The following PDZRN3 variants were observed in gnomAD, a reference collection of about 807,000 sequenced individuals.
The protein encoded by PDZRN3 is PDZ domain containing ring finger 3, also known as E3 ubiquitin-protein ligase PDZRN3.
In PDZRN3, 38 loss-of-function variants were observed where a neutral mutation model predicts 85.7. The observed-to-expected ratio is 0.44, with a 90% CI of 0.34 to 0.58. The LOEUF is 0.58. Among genes scored for constraint, PDZRN3 ranks in the 20% least tolerant of loss-of-function variants. PDZRN3 has a pLI of 0.01. For missense variants in PDZRN3, 1,629 were observed against 1,506.4 expected (o/e 1.08, Z -1.35); for synonymous variants, 759 against 638.0 (o/e 1.19, Z -2.86).
At chr3:73,449,647 G>C (rs1323664744) in intron 3 of PDZRN3, among the ~76,000 whole-genome samples, 1 of 152,024 alleles carries the variant, frequency 6.6e-6, no homozygotes, top group African/African-American at 2.4e-5. Context: ...CATAGCATTC[G>C]GTAATATAAT....
chr3:73,570,544 G>A (rs1227252678), intron 3 of PDZRN3, among the ~76,000 whole-genome samples: 2 of 152,106 alleles, frequency 1.3e-5, no homozygotes, highest in Non-Finnish European at 2.9e-5. Context: ...ACTTACTGAT[G>A]GGATTATGCA....
intron 3 of PDZRN3, among the ~76,000 whole-genome samples, chr3:73,560,378 G>C (rs1701791665): frequency 6.6e-6 from 1 of 152,106 alleles, no homozygotes; most frequent in Admixed American, 6.6e-5. Flanking sequence ...TCAACCTCGA[G>C]GCTGAGTGCT....
chr3:73,443,614 T>C (rs1702691063), intron 3 of PDZRN3, among the ~76,000 whole-genome samples: 1 of 151,564 alleles, frequency 6.6e-6, no homozygotes, highest in Admixed American at 6.6e-5. Flanking sequence ...GCCTCCTGAG[T>C]AGCTGGGACT....
chr3:73,591,662 T>G (rs1275796287), intron 3 of PDZRN3, among the ~76,000 whole-genome samples: 1 of 152,104 alleles, frequency 6.6e-6, no homozygotes, highest in African/African-American at 2.4e-5. Flanking sequence ...GGGGCCAAAA[T>G]TGCAGTATTC....
intron 2 of PDZRN3, among the ~76,000 whole-genome samples, chr3:73,606,586 GT>G (rs1278948580): frequency 6.6e-6 from 1 of 152,290 alleles, no homozygotes; most frequent in East Asian, 1.9e-4. Flanking sequence ...CGGTTCTATA[GT>G]TTTTTAAGAA....
rs952707663 is a variant in PDZRN3 at position 73,509,568 on chromosome 3, C to T, written c.918+92786G>A. On this transcript the variant is annotated intron_variant, in intron 3 of 9. Coordinates refer to ENST00000263666, the MANE Select transcript of PDZRN3 (RefSeq NM_015009.3). ...GGGCGTTCCCTCAGTACTCAACTAA[C>T]GTACTGACAAACTAGGCTTTCAGTC... is the stretch of plus-strand genomic sequence containing the variant. Among the ~76,000 whole-genome samples the T allele has an allele frequency of 2.6e-5, 4 of 152,170 alleles. No homozygotes were observed. The South Asian group carries it at 6.2e-4, about 24-fold the overall frequency.
intron 3 of PDZRN3, among the ~76,000 whole-genome samples, chr3:73,554,999 T>C (rs1480122977): frequency 6.6e-6 from 1 of 152,252 alleles, no homozygotes. Context: ...CCAACAGGCC[T>C]GACTGGCTGT....
At position 73,623,075 on chromosome 3, in the gene PDZRN3, G is replaced by A. The variant is rs1380899964; in HGVS notation, c.723+1028C>T. On this transcript the variant is annotated intron_variant, in intron 1 of 9. Transcript: ENST00000263666. ...TGATTAAAAAGGAAATGACTGGGAA[G>A]AATGCAGCACCCAGCCTGGAGCAAA... Among the ~76,000 whole-genome samples, 6 of 152,206 alleles carry A rather than the reference G, an allele frequency of 3.9e-5. No individual in the cohort carries two copies. The East Asian group carries it at 5.8e-4, about 15-fold the overall frequency.
At chr3:73,415,533 T>G (rs1702064193) in intron 3 of PDZRN3, among the ~76,000 whole-genome samples, 1 of 152,238 alleles carries the variant, frequency 6.6e-6, no homozygotes, top group African/African-American at 2.4e-5. Flanking sequence ...TGACTTATGA[T>G]CTTTCACTTT....
intron 3 of PDZRN3, among the ~76,000 whole-genome samples, chr3:73,546,348 C>T (rs1266061028): frequency 6.6e-6 from 1 of 152,192 alleles, no homozygotes; most frequent in Non-Finnish European, 1.5e-5. Context: ...ATCTCACCAC[C>T]ACATTGCATC....
At chr3:73,385,984 A>G (rs1426646491) in intron 8 of PDZRN3, among the ~76,000 whole-genome samples, 199 bp from the exon 9 acceptor site, 3 of 151,538 alleles carry the variant, frequency 2.0e-5, no homozygotes, top group Non-Finnish European at 4.4e-5. Flanking sequence ...CCAACCCTAC[A>G]CTACATCTGG....
intron 3 of PDZRN3, among the ~76,000 whole-genome samples, chr3:73,514,689 T>C (rs1034434804): frequency 6.6e-6 from 1 of 152,184 alleles, no homozygotes; most frequent in Non-Finnish European, 1.5e-5. Context: ...CCAGTGCTGG[T>C]TCTATAACCC....
intron 3 of PDZRN3, among the ~76,000 whole-genome samples, chr3:73,523,429 T>G (rs1041993944): frequency 6.6e-6 from 1 of 152,070 alleles, no homozygotes; most frequent in Non-Finnish European, 1.5e-5. Context: ...TACCATTTAT[T>G]TAAATAGTCA....
chr3:73,560,890 G>A (rs1042590145), intron 3 of PDZRN3, among the ~76,000 whole-genome samples: 17 of 152,182 alleles, frequency 1.1e-4, no homozygotes, highest in African/African-American at 3.1e-4. Flanking sequence ...CATGAAATGC[G>A]TTTGGCACAT....
At chr3:73,534,870 G>C (rs1327962493) in intron 3 of PDZRN3, among the ~76,000 whole-genome samples, 1 of 152,114 alleles carries the variant, frequency 6.6e-6, no homozygotes, top group African/African-American at 2.4e-5. Flanking sequence ...GTTTACAAAG[G>C]ACAGCATTGA....
chr3:73,423,369 T>C (rs1702240217), intron 3 of PDZRN3, among the ~76,000 whole-genome samples: 1 of 152,222 alleles, frequency 6.6e-6, no homozygotes, highest in South Asian at 2.1e-4. Flanking sequence ...CAGGAATGTG[T>C]CTGTGTTATG....
chr3:73,569,482 A>C, intron 3 of PDZRN3: 1 of 1,095,512 alleles, frequency 9.1e-7, no homozygotes, highest in Non-Finnish European at 1.1e-6. Flanking sequence ...TCCACTGCAC[A>C]GAATGCCTTT....
At chr3:73,489,149 C>T (rs1373294260) in intron 3 of PDZRN3, among the ~76,000 whole-genome samples, 1 of 152,198 alleles carries the variant, frequency 6.6e-6, no homozygotes, top group Non-Finnish European at 1.5e-5. Context: ...GAGAGGTACC[C>T]AGCAGCTAGT....
intron 4 of PDZRN3, among the ~76,000 whole-genome samples, chr3:73,402,664 G>A (rs1349474568): frequency 6.6e-6 from 1 of 152,202 alleles, no homozygotes; most frequent in Non-Finnish European, 1.5e-5. Flanking sequence ...TCCAATGACA[G>A]CTAGCCACTA....
Sources: gnomAD v4.1 joint callset for allele counts (sites outside exome capture counted in the v4.1 genomes callset) on GRCh38, gnomAD v4.1.1 for gene constraint, MANE v1.5 for transcripts, NCBI Gene and HGNC (gene_info 2026-07-23, HGNC 2026-07-21) for gene names.